PID1: variants seen among roughly 807,000 people sequenced by gnomAD.
The protein encoded by PID1 is PTB-containing, cubilin and LRP1-interacting protein.
PID1 carries 10 observed loss-of-function variants against 19.1 expected under a neutral mutation model. The ratio of observed to expected loss-of-function variants is 0.52; its 90% CI spans 0.32 to 0.89. The LOEUF is 0.89. PID1 is among the 40% of genes least tolerant of loss of function. The pLI is 0.03. For missense variants in PID1, 248 were observed against 285.3 expected (o/e 0.87, Z 0.94); for synonymous variants, 130 against 116.0 (o/e 1.12, Z -0.78).
At chr2:229,093,808 G>A (rs719771) in intron 2 of PID1, among the ~76,000 whole-genome samples, 93,855 of 151,766 alleles carry the variant, frequency 0.62, 31,769 homozygotes, top group Non-Finnish European at 0.76. Flanking sequence ...AGCATACCTC[G>A]AAATAATAAA....
chr2:229,063,414 T>C (rs914993104), intron 2 of PID1, among the ~76,000 whole-genome samples: 1 of 152,120 alleles, frequency 6.6e-6, no homozygotes, highest in African/African-American at 2.4e-5. Context: ...GTTTAATTTA[T>C]TTGCATTTGG....
At chr2:229,157,310 A>T (rs2106197016) in intron 1 of PID1, among the ~76,000 whole-genome samples, 1 of 152,102 alleles carries the variant, frequency 6.6e-6, no homozygotes, top group East Asian at 1.9e-4. Flanking sequence ...GGCACCTGTA[A>T]TCCTAGCTAC....
chr2:229,200,037 T>A (rs1257919525), intron 1 of PID1, among the ~76,000 whole-genome samples: 1 of 151,862 alleles, frequency 6.6e-6, no homozygotes, highest in Non-Finnish European at 1.5e-5. Context: ...CTTCTCCTTG[T>A]TCTGAAAGAA....
chr2:229,227,110 A>AT (rs927254460), intron 1 of PID1, among the ~76,000 whole-genome samples: 3 of 152,220 alleles, frequency 2.0e-5, no homozygotes, highest in Non-Finnish European at 4.4e-5. Flanking sequence ...TGATATTTTG[A>AT]TTTTTTAATG....
At chr2:229,133,736 A>G (rs1451662517) in intron 2 of PID1, among the ~76,000 whole-genome samples, 1 of 152,262 alleles carries the variant, frequency 6.6e-6, no homozygotes, top group South Asian at 2.1e-4. Flanking sequence ...AGGTTTTTCA[A>G]TCTCAGAATT....
chr2:229,041,503 C>T (rs1011826512), intron 2 of PID1, among the ~76,000 whole-genome samples: 8 of 151,992 alleles, frequency 5.3e-5, no homozygotes, highest in African/African-American at 7.3e-5. Flanking sequence ...GTAAAAGAGG[C>T]GATGAGACTA....
chr2:229,133,853 T>C (rs1341263431), intron 2 of PID1, among the ~76,000 whole-genome samples: 3 of 152,202 alleles, frequency 2.0e-5, no homozygotes, highest in Non-Finnish European at 4.4e-5. Context: ...TACATATGTA[T>C]ACATGTGCCA....
At chr2:229,201,127 T>C (rs1691490748) in intron 1 of PID1, among the ~76,000 whole-genome samples, 1 of 152,102 alleles carries the variant, frequency 6.6e-6, no homozygotes, top group African/African-American at 2.4e-5. Context: ...AAAATACAAA[T>C]AACTTAAAAT....
chr2:229,053,202 CT>C (rs1035407215), intron 2 of PID1, among the ~76,000 whole-genome samples: 1 of 151,256 alleles, frequency 6.6e-6, no homozygotes, highest in Non-Finnish European at 1.5e-5. Context: ...TATATTAATT[CT>C]TTTTTTTTCT....
At chr2:229,259,676 T>C (rs577712512) in intron 1 of PID1, among the ~76,000 whole-genome samples, 126 of 152,362 alleles carry the variant, frequency 8.3e-4, no homozygotes, top group African/African-American at 2.8e-3. Flanking sequence ...ATCCAATTGT[T>C]CCAGCATCAT....
At chr2:229,269,362 G>A (rs1006285285) in intron 1 of PID1, among the ~76,000 whole-genome samples, 9 of 152,242 alleles carry the variant, frequency 5.9e-5, no homozygotes, top group Non-Finnish European at 1.3e-4. Flanking sequence ...GAAGGCAAGC[G>A]AGAGCGCCCA....
intron 1 of PID1, among the ~76,000 whole-genome samples, chr2:229,190,169 G>A (rs749055115): frequency 5.4e-4 from 82 of 152,046 alleles, no homozygotes; most frequent in Non-Finnish European, 8.5e-4. Flanking sequence ...CTACGGCAAC[G>A]GCATAAATAT....
chr2:229,068,147 G>A (rs1574602112), intron 2 of PID1, among the ~76,000 whole-genome samples: 1 of 152,164 alleles, frequency 6.6e-6, no homozygotes, highest in Non-Finnish European at 1.5e-5. Flanking sequence ...ACTGCAATGA[G>A]CTCCATGTAA....
chr2:229,269,928 G>C (rs1448693373), intron 1 of PID1, among the ~76,000 whole-genome samples: 3 of 152,188 alleles, frequency 2.0e-5, no homozygotes, highest in Non-Finnish European at 4.4e-5. Flanking sequence ...TCTGCTAAAT[G>C]CAATGCCCTC....
chr2:229,030,246 G>A (rs182668179), intron 2 of PID1, among the ~76,000 whole-genome samples: 3 of 152,218 alleles, frequency 2.0e-5, no homozygotes, highest in East Asian at 1.9e-4. Flanking sequence ...TGTGGTTGCC[G>A]GGGGATTGGG....
At chr2:229,206,931 C>T (rs1272874021) in intron 1 of PID1, among the ~76,000 whole-genome samples, 1 of 152,098 alleles carries the variant, frequency 6.6e-6, no homozygotes, top group Admixed American at 6.5e-5. Context: ...TGGGGTGACG[C>T]TTAATAGCTT....
At chr2:229,042,015 T>C (rs1056952636) in intron 2 of PID1, among the ~76,000 whole-genome samples, 1 of 152,194 alleles carries the variant, frequency 6.6e-6, no homozygotes, top group Non-Finnish European at 1.5e-5. Context: ...CTCTAGATTA[T>C]AAAATAGTAT....
intron 2 of PID1, among the ~76,000 whole-genome samples, chr2:229,148,630 C>G (rs1407409047): frequency 6.6e-6 from 1 of 151,382 alleles, no homozygotes; most frequent in African/African-American, 2.4e-5. Context: ...ACAATCCTGA[C>G]AGTGTGCAAT....
intron 2 of PID1, among the ~76,000 whole-genome samples, chr2:229,151,121 T>A (rs972954965): frequency 1.3e-5 from 2 of 152,032 alleles, no homozygotes; most frequent in South Asian, 2.1e-4. Flanking sequence ...ATTTTTTTTT[T>A]AATTTTGTAT....
Sources: allele counts gnomAD v4.1 joint callset (sites outside exome capture counted in the v4.1 genomes callset), GRCh38; gene constraint gnomAD v4.1.1; transcripts MANE v1.5; gene names NCBI Gene and HGNC (gene_info 2026-07-23, HGNC 2026-07-21).